The following TYW1 variants were observed in gnomAD, a reference collection of about 807,000 sequenced individuals.
TYW1 encodes the protein tRNA-yW synthesizing protein 1 homolog, also known as S-adenosyl-L-methionine-dependent tRNA 4-demethylwyosine synthase TYW1.
In TYW1, 46 loss-of-function variants were observed where a neutral mutation model predicts 96.2. The ratio of observed to expected loss-of-function variants is 0.48; its 90% CI spans 0.38 to 0.61. The LOEUF (loss-of-function observed/expected upper bound fraction) is 0.61, where lower values mean the gene tolerates loss of function less well. Among genes scored for constraint, TYW1 ranks in the 20% least tolerant of loss-of-function variants. The probability of loss-of-function intolerance (pLI) is 0.00; values close to 1 mark genes in which losing one functional copy is unlikely to be tolerated. For synonymous variants in TYW1, 274 were observed against 323.0 expected (o/e 0.85, Z 1.63); for missense variants, 684 against 909.6 (o/e 0.75, Z 3.19).
intron 15 of TYW1, among the ~76,000 whole-genome samples, chr7:67,210,789 T>TCCATC (rs1424210650): frequency 4.0e-5 from 6 of 149,206 alleles, no homozygotes; most frequent in Non-Finnish European, 7.4e-5. Flanking sequence ...CATCCGTCCA[T>TCCATC]CATCTGTCTG....
intron 11 of TYW1, among the ~76,000 whole-genome samples, chr7:67,086,287 A>G (rs536288094): frequency 2.0e-5 from 3 of 152,302 alleles, no homozygotes; most frequent in Non-Finnish European, 2.9e-5. Context: ...GGCTTTTCCT[A>G]GACTCATTGT....
intron 13 of TYW1, among the ~76,000 whole-genome samples, chr7:67,121,065 T>G (rs1419965766): frequency 2.0e-5 from 3 of 152,248 alleles, no homozygotes; most frequent in African/African-American, 7.2e-5. Context: ...AGAAGATCTG[T>G]GGCAGGATGC....
At chr7:67,185,412 T>C (rs1799988030) in intron 14 of TYW1, among the ~76,000 whole-genome samples, 1 of 151,752 alleles carries the variant, frequency 6.6e-6, no homozygotes, top group African/African-American at 2.4e-5. Context: ...TTGGGGAAGG[T>C]CAGTGGGACT....
chr7:67,056,877 A>AC (rs1362662261), intron 9 of TYW1, among the ~76,000 whole-genome samples: 1 of 152,202 alleles, frequency 6.6e-6, no homozygotes, highest in Non-Finnish European at 1.5e-5. Context: ...GTGTGGTTGT[A>AC]CTACTTTATA....
In TYW1 at chr7:67,090,310, A is replaced by C. The variant is rs575995942; in HGVS notation, c.1384+6771A>C. ...CAGGTCGTTGGGAAGATTTTTGGCC[A>C]GGAACTGCATTGTTATGAGAAGAAA... On this transcript the variant is annotated intron_variant, in intron 11 of 15. Transcript: ENST00000359626. Among the ~76,000 whole-genome samples, 71 of 152,370 alleles carry C rather than the reference A, an allele frequency of 4.7e-4. 1 individual carries two copies. The East Asian group carries it at 0.012, about 26-fold the overall frequency.
chr7:67,172,091 G>T (rs1465415996), intron 13 of TYW1, among the ~76,000 whole-genome samples: 1 of 151,894 alleles, frequency 6.6e-6, no homozygotes, highest in African/African-American at 2.4e-5. Context: ...TTTAAATGTA[G>T]CATCTAATTA....
chr7:67,095,660 A>C lies in TYW1; in HGVS notation c.1385-2881A>C, dbSNP rs892809012. On this transcript the variant is annotated intron_variant, in intron 11 of 15. Coordinates refer to ENST00000359626, the MANE Select transcript of TYW1 (RefSeq NM_018264.4). ...GCAACAGGGCGAGACTCTGTCTCAA[A>C]AACAACAACAACAACAACAACAACA... Among the ~76,000 whole-genome samples the C allele has an allele frequency of 8.0e-5, 11 of 136,668 alleles. No individual in the cohort carries two copies. The South Asian group carries it at 1.5e-3, about 18-fold the overall frequency. 89.7% of individuals were successfully genotyped at this position (136,668 alleles called of 152,430 possible). A position where few individuals can be genotyped will look rare whatever the true frequency, so the allele number is the denominator to read the frequency against.
chr7:67,147,238 G>GC (rs1798636440), intron 13 of TYW1, among the ~76,000 whole-genome samples: 1 of 152,148 alleles, frequency 6.6e-6, no homozygotes, highest in African/African-American at 2.4e-5. Flanking sequence ...CATTGTATTA[G>GC]CTATTGTAAG....
At chr7:67,095,429 G>A (rs3980761) in intron 11 of TYW1, among the ~76,000 whole-genome samples, 26,541 of 150,326 alleles carry the variant, frequency 0.18, 2,730 homozygotes, top group African/African-American at 0.28. Flanking sequence ...GCTCACGCCT[G>A]TAATCCCAGC....
intron 13 of TYW1, among the ~76,000 whole-genome samples, chr7:67,174,302 AT>A (rs1323969009): frequency 1.3e-5 from 2 of 152,084 alleles, no homozygotes; most frequent in Non-Finnish European, 2.9e-5. Context: ...AAATAAAAAC[AT>A]TTTATGAAAT....
chr7:67,036,641 G>A (rs1337498382), intron 7 of TYW1, among the ~76,000 whole-genome samples: 1 of 152,214 alleles, frequency 6.6e-6, no homozygotes, highest in African/African-American at 2.4e-5. Context: ...ACTGGAGGCT[G>A]GCTCCCTTGG....
chr7:67,099,060 C>G (rs188196256), intron 12 of TYW1, among the ~76,000 whole-genome samples: 49 of 150,640 alleles, frequency 3.3e-4, no homozygotes, highest in Admixed American at 2.9e-3. Context: ...GAGTCTCACT[C>G]TGTCTCCCCG....
rs1801964421 is a variant in TYW1, at chr7:67,238,499, G to A, written c.2169G>A (p.Lys723=). Reference sequence around the variant, plus strand: ...CCAAGGACACAAGACATCAGAGAAAGAACAAATCAAAGGCTATTTCTGGAT... The same window carrying A: ...CCAAGGACACAAGACATCAGAGAAAAAACAAATCAAAGGCTATTTCTGGAT... ...FDPKDTRHQR[K]NKSKAISGC Residue 723 remains lysine (K), a synonymous_variant, in exon 16 of 16, where the codon AAG becomes AAA. Transcript: ENST00000359626. 1 of 1,613,808 alleles carries A rather than the reference G, an allele frequency of 6.2e-7. No homozygotes were observed. The highest frequency in any genetic ancestry group is 1.3e-5 in the African/African-American group (1 of 74,908).
intron 13 of TYW1, among the ~76,000 whole-genome samples, chr7:67,143,811 A>T (rs559811863): frequency 9.6e-4 from 146 of 152,362 alleles, no homozygotes; most frequent in Non-Finnish European, 1.6e-3. Flanking sequence ...AGGCTGTTTA[A>T]ATAATTCTGT....
In TYW1 at chr7:66,996,903, T is replaced by C. The variant is rs1428604760; in HGVS notation, c.-76T>C. 4 of 1,609,422 alleles carry C rather than the reference T, an allele frequency of 2.5e-6. No homozygotes were observed. Among genetic ancestry groups the C allele is most frequent in the Non-Finnish European group, 3.4e-6 (4 of 1,178,146 alleles). ...CCGCTAACGCGGCGAGGTAGCTCGGTGCGTCTCGCGGTACCAGTGCGAATC... is the reference window on the plus strand; with the variant it reads ...CCGCTAACGCGGCGAGGTAGCTCGGCGCGTCTCGCGGTACCAGTGCGAATC... On this transcript the variant is annotated 5_prime_UTR_variant, in exon 1 of 16. Coordinates refer to ENST00000359626, the MANE Select transcript of TYW1 (RefSeq NM_018264.4).
At chr7:67,201,753 CT>C (rs1800606666) in intron 15 of TYW1, among the ~76,000 whole-genome samples, 1 of 152,152 alleles carries the variant, frequency 6.6e-6, no homozygotes, top group African/African-American at 2.4e-5. Flanking sequence ...AAATTAATTA[CT>C]TAAACACCAG....
chr7:67,209,878 T>A (rs573895416), intron 15 of TYW1, among the ~76,000 whole-genome samples: 38 of 152,242 alleles, frequency 2.5e-4, no homozygotes, highest in Non-Finnish European at 1.0e-4. Context: ...GCCAATTATT[T>A]TTTTTTTCAA....
chr7:67,195,056 T>C, intron 14 of TYW1, 114 bp from the exon 15 acceptor site: 1 of 1,221,398 alleles, frequency 8.2e-7, no homozygotes, highest in Non-Finnish European at 1.1e-6. Context: ...CACTGTAAAA[T>C]ACGGACTGGA....
intron 13 of TYW1, among the ~76,000 whole-genome samples, chr7:67,149,829 C>T (rs561188577): frequency 1.3e-5 from 2 of 152,052 alleles, no homozygotes; most frequent in East Asian, 1.9e-4. Flanking sequence ...CCTCCTAACA[C>T]GTGAACCACA....
Sources: allele counts gnomAD v4.1 joint callset (sites outside exome capture counted in the v4.1 genomes callset), GRCh38; gene constraint gnomAD v4.1.1; transcripts MANE v1.5; gene names NCBI Gene and HGNC (gene_info 2026-07-23, HGNC 2026-07-21).